Variants in SYNJ1 observed in about 807,000 individuals in gnomAD.
SYNJ1 encodes synaptojanin 1, also known as polyphosphatidylinositol phosphatase SYNJ1.
In SYNJ1, 78 loss-of-function variants were observed where a neutral mutation model predicts 168.2. That is an observed-to-expected ratio of 0.46 (90% CI 0.39 to 0.56). SYNJ1 has a LOEUF of 0.56. Among genes scored for constraint, SYNJ1 ranks in the 20% least tolerant of loss-of-function variants. The pLI is 0.00. For missense variants in SYNJ1, 1,303 were observed against 1,597.6 expected, an observed-to-expected ratio of 0.82 and a Z score of 3.14; for synonymous variants, 539 against 548.6, an observed-to-expected ratio of 0.98 and a Z score of 0.24.
At position 32,645,771 on chromosome 21, in the gene SYNJ1, T is replaced by G; in HGVS notation, c.3266A>C (p.Gln1089Pro). 6.8e-7 allele frequency: 1 copy of G among 1,470,380 alleles called. No homozygotes were observed. Among genetic ancestry groups the G allele is most frequent in the East Asian group, 2.5e-5 (1 of 40,182 alleles). 91.1% of individuals were successfully genotyped at this position (1,470,380 alleles called of 1,614,324 possible). A position where few individuals can be genotyped will look rare whatever the true frequency, so the allele number is the denominator to read the frequency against. ...TTTCTGCGGCAGCGGCGTTGCTGGC[T>G]GCGCGTCAATAGGAGAACCTAAAAA... ...PSAQSSPIDA[Q>P]PATPLPQKDP... Residue 1089 changes from glutamine to proline, a missense_variant, in exon 25 of 33, where the codon CAG becomes CCG. Transcript: ENST00000674351.
intron 2 of SYNJ1, among the ~76,000 whole-genome samples, chr21:32,708,003 G>A (rs1008873863): frequency 3.9e-5 from 6 of 152,194 alleles, no homozygotes; most frequent in Non-Finnish European, 7.3e-5. Context: ...GTGACACAGT[G>A]AGACTCCGTC....
At chr21:32,678,283 C>G (rs8133878) in intron 12 of SYNJ1, among the ~76,000 whole-genome samples, 3,877 of 152,196 alleles carry the variant, frequency 0.025, 73 homozygotes, top group Middle Eastern at 0.15. Flanking sequence ...CATTAGTTTT[C>G]CCAGTAAAGC....
chr21:32,690,290 C>T (rs2041974793), intron 6 of SYNJ1, among the ~76,000 whole-genome samples: 1 of 152,258 alleles, frequency 6.6e-6, no homozygotes, highest in East Asian at 1.9e-4. Flanking sequence ...TCACTGCAGC[C>T]TCGACCTCCT....
intron 3 of SYNJ1, 109 bp downstream of exon 3, chr21:32,701,852 T>C (rs1422543426): frequency 1.4e-6 from 1 of 729,452 alleles, no homozygotes; most frequent in Non-Finnish European, 2.1e-6. Flanking sequence ...AGCACATGTG[T>C]AGCTTAAATA....
Position 32,726,933 on chromosome 21 carries a change from A to C in SYNJ1, c.-22-16T>G. ...GGAGGCAGCCCTGCGAAAACCAAGC[A>C]AAGCAAAGCAAATGAAGCTGATGTT... On this transcript the variant is annotated splice_polypyrimidine_tract_variant and intron_variant, in intron 1 of 32. Coordinates refer to ENST00000674351, the MANE Select transcript of SYNJ1 (RefSeq NM_203446.3). 1.2e-6 allele frequency: 2 copies of C among 1,612,246 alleles called. No homozygotes were observed. The highest frequency in any genetic ancestry group is 1.7e-6 in the Non-Finnish European group (2 of 1,178,976).
At chr21:32,719,438 G>A (rs1019113923) in intron 2 of SYNJ1, among the ~76,000 whole-genome samples, 1 of 152,222 alleles carries the variant, frequency 6.6e-6, no homozygotes, top group Non-Finnish European at 1.5e-5. Context: ...TGCAGGCTGG[G>A]AGCAGTGGCT....
Position 32,645,759 on chromosome 21 carries a change from G to A in SYNJ1, c.3278C>T (p.Pro1093Leu), listed in dbSNP as rs1326671091. 5 of 1,464,946 alleles carry A rather than the reference G, an allele frequency of 3.4e-6. No individual in the cohort carries two copies. The highest frequency in any genetic ancestry group is 1.8e-4 in the Middle Eastern group (1 of 5,544). The allele number at this position is 1,464,946 out of a possible 1,614,324, so 90.7% of individuals were successfully genotyped here. The change falls in exon 25 of 33, where the codon CCG becomes CTG. Residue 1093 changes from proline to leucine, a missense_variant. Pro to Leu is a moderately conservative substitution (Grantham distance 98). Transcript: ENST00000674351. ...CTGGGCGGGGTCTTTCTGCGGCAGC[G>A]GCGTTGCTGGCTGCGCGTCAATAGG... ...SSPIDAQPAT[P>L]LPQKDPAQPL...
intron 14 of SYNJ1, 127 bp downstream of exon 14, chr21:32,673,213 T>A: frequency 5.7e-6 from 4 of 697,322 alleles, no homozygotes; most frequent in Non-Finnish European, 8.4e-6. Flanking sequence ...ATGTTGTTGG[T>A]CTTCAAATGT....
At chr21:32,672,262 A>G (rs955278396) in intron 14 of SYNJ1, among the ~76,000 whole-genome samples, 1 of 151,990 alleles carries the variant, frequency 6.6e-6, no homozygotes, top group Non-Finnish European at 1.5e-5. Context: ...ACTATTTTAA[A>G]AAGGAATTAA....
At chr21:32,656,305 G>A (rs1048025405) in intron 21 of SYNJ1, among the ~76,000 whole-genome samples, 4 of 152,280 alleles carry the variant, frequency 2.6e-5, no homozygotes, top group African/African-American at 7.2e-5. Context: ...TTAGCCAGGT[G>A]TGGTGGTGTG....
At chr21:32,692,511 G>A (rs933952763) in intron 6 of SYNJ1, among the ~76,000 whole-genome samples, 12 of 152,164 alleles carry the variant, frequency 7.9e-5, no homozygotes, top group African/African-American at 2.9e-4. Flanking sequence ...GGGAGGCGGA[G>A]GTTGCAGTAA....
rs1281540052 is a variant in SYNJ1, at chr21:32,629,457, G to A, written c.*2348C>T. On this transcript the variant is annotated 3_prime_UTR_variant, in exon 33 of 33. Coordinates refer to ENST00000674351, the MANE Select transcript of SYNJ1 (RefSeq NM_203446.3). ...TAAATATAGTATTTTGATAACATTT[G>A]AGCATTTAGAAAAATGCTTTTTTTC... is the stretch of plus-strand genomic sequence containing the variant. The A allele has an allele frequency of 6.6e-6, 1 of 152,590 alleles. No individual in the cohort carries two copies. The highest frequency in any genetic ancestry group is 1.5e-5 in the Non-Finnish European group (1 of 68,030). 9.5% of individuals were successfully genotyped at this position (152,590 alleles called of 1,614,324 possible). A position where few individuals can be genotyped will look rare whatever the true frequency, so the allele number is the denominator to read the frequency against.
Position 32,629,514 on chromosome 21 carries a change from T to C in SYNJ1, c.*2291A>G, listed in dbSNP as rs7279487. On this transcript the variant is annotated 3_prime_UTR_variant, in exon 33 of 33. Coordinates refer to ENST00000674351, the MANE Select transcript of SYNJ1 (RefSeq NM_203446.3). Reference sequence around the variant, plus strand: ...ATTTGCTTTATAAGTGCAGTGCAGTTTGCTGTGCTTTTAACATTCTACATA... The same window carrying C: ...ATTTGCTTTATAAGTGCAGTGCAGTCTGCTGTGCTTTTAACATTCTACATA... 19,340 of 152,706 alleles carry C rather than the reference T, an allele frequency of 0.13. 1,290 individuals carry two copies. Among genetic ancestry groups the C allele is most frequent in the Non-Finnish European group, 0.15 (9,980 of 68,018 alleles). 9.5% of individuals were successfully genotyped at this position (152,706 alleles called of 1,614,324 possible).
chr21:32,655,313 G>C (rs570021184), intron 21 of SYNJ1, among the ~76,000 whole-genome samples: 1 of 152,278 alleles, frequency 6.6e-6, no homozygotes, highest in African/African-American at 2.4e-5. Flanking sequence ...TGGCATTTCT[G>C]TACTTGGCAA....
chr21:32,721,886 T>C (rs1276526692), intron 2 of SYNJ1, among the ~76,000 whole-genome samples: 4 of 152,082 alleles, frequency 2.6e-5, no homozygotes, highest in Non-Finnish European at 5.9e-5. Flanking sequence ...ATAACAATTC[T>C]CAAAAACATA....
chr21:32,677,202 T>A (rs527883293), intron 12 of SYNJ1, among the ~76,000 whole-genome samples: 1 of 152,272 alleles, frequency 6.6e-6, no homozygotes, highest in South Asian at 2.1e-4. Flanking sequence ...TGTGCATATG[T>A]GTATGTGTGT....
At chr21:32,694,105 C>A in intron 6 of SYNJ1, 123 bp downstream of exon 6, 1 of 632,194 alleles carries the variant, frequency 1.6e-6, no homozygotes, top group South Asian at 3.7e-5. Flanking sequence ...ATTTGCAAAT[C>A]CAGCTAACAT....
chr21:32,642,039 G>A, intron 28 of SYNJ1, 56 bp downstream of exon 28: 1 of 1,612,972 alleles, frequency 6.2e-7, no homozygotes, highest in Non-Finnish European at 8.5e-7. Context: ...TATATTCCAA[G>A]TGTCTATTTC....
At position 32,727,963 on chromosome 21, in the gene SYNJ1, C is replaced by A; in HGVS notation, c.-40G>T. 6.5e-7 allele frequency: 1 copy of A among 1,534,498 alleles called. No individual in the cohort carries two copies. The highest frequency in any genetic ancestry group is 8.7e-7 in the Non-Finnish European group (1 of 1,146,022). On this transcript the variant is annotated 5_prime_UTR_variant, in exon 1 of 33. Coordinates refer to ENST00000674351, the MANE Select transcript of SYNJ1 (RefSeq NM_203446.3). The stretch of plus-strand genomic sequence containing the variant: ...TTGCTCACCTCTTCCTCCGGCTCCT[C>A]CTCCTCCTTCTCCCGCAGCCGCCGC...
Sources: gnomAD v4.1 joint callset for allele counts (sites outside exome capture counted in the v4.1 genomes callset) on GRCh38, gnomAD v4.1.1 for gene constraint, MANE v1.5 for transcripts, NCBI Gene and HGNC (gene_info 2026-07-23, HGNC 2026-07-21) for gene names.